RPH3A: variants seen among roughly 807,000 people sequenced by gnomAD.
RPH3A encodes rabphilin 3A.
Under a neutral mutation model 102.2 loss-of-function variants are expected in RPH3A, and 48 were observed. That is an observed-to-expected ratio of 0.47 (90% confidence interval 0.37 to 0.60). RPH3A has a LOEUF of 0.60. Among genes scored for constraint, RPH3A ranks in the 20% least tolerant of loss-of-function variants. RPH3A has a pLI of 0.00. For synonymous variants in RPH3A, 310 were observed against 324.3 expected (o/e 0.96, Z 0.47); for missense variants, 781 against 910.1 (o/e 0.86, Z 1.83).
At chr12:112,608,145 G>C (rs1267081062) in intron 1 of RPH3A, among the ~76,000 whole-genome samples, 1 of 145,468 alleles carries the variant, frequency 6.9e-6, no homozygotes. Flanking sequence ...ACGGGGAGTT[G>C]CGCTCTGTTT....
chr12:112,815,379 TC>T (rs2041654012), intron 2 of RPH3A, among the ~76,000 whole-genome samples: 1 of 152,226 alleles, frequency 6.6e-6, no homozygotes, highest in South Asian at 2.1e-4. Context: ...GTCAGGAGCC[TC>T]ATTTATATGA....
intron 1 of RPH3A, among the ~76,000 whole-genome samples, chr12:112,723,117 T>C (rs1168430068): frequency 6.6e-6 from 1 of 152,158 alleles, no homozygotes; most frequent in Non-Finnish European, 1.5e-5. Flanking sequence ...TGTTGGTATG[T>C]ATATACAGTT....
intron 1 of RPH3A, among the ~76,000 whole-genome samples, chr12:112,729,028 A>G (rs2040614972): frequency 6.6e-6 from 1 of 152,168 alleles, no homozygotes; most frequent in African/African-American, 2.4e-5. Context: ...TGGGAACACA[A>G]AAGTGTCACT....
chr12:112,767,329 T>C (rs925802803), intron 1 of RPH3A, among the ~76,000 whole-genome samples: 5 of 152,148 alleles, frequency 3.3e-5, no homozygotes, highest in African/African-American at 7.2e-5. Context: ...CTTATTGTCC[T>C]CCTCCTCAAT....
chr12:112,805,119 T>C (rs1363549402), intron 2 of RPH3A, among the ~76,000 whole-genome samples: 1 of 152,222 alleles, frequency 6.6e-6, no homozygotes. Flanking sequence ...AAATAAAACA[T>C]TGCAATGTAT....
chr12:112,736,303 G>C (rs2040669017), intron 1 of RPH3A, among the ~76,000 whole-genome samples: 1 of 152,178 alleles, frequency 6.6e-6, no homozygotes, highest in Non-Finnish European at 1.5e-5. Flanking sequence ...ACCTCTGTTT[G>C]AGAACCATTG....
chr12:112,779,987 G>A (rs1413624452), intron 1 of RPH3A, among the ~76,000 whole-genome samples: 4 of 152,120 alleles, frequency 2.6e-5, no homozygotes, highest in South Asian at 2.1e-4. Context: ...AAGGACTGTC[G>A]GCCACTGCCA....
intron 13 of RPH3A, 134 bp downstream of exon 13, chr12:112,877,000 C>A: frequency 1.9e-6 from 1 of 531,662 alleles, no homozygotes; most frequent in Non-Finnish European, 3.1e-6. Context: ...AACATATTAA[C>A]CAAGTGATAG....
chr12:112,690,300 A>G (rs1414308777), intron 1 of RPH3A, among the ~76,000 whole-genome samples: 1 of 152,234 alleles, frequency 6.6e-6, no homozygotes, highest in African/African-American at 2.4e-5. Flanking sequence ...GGGAAGCTTT[A>G]GGTGGTATCT....
At chr12:112,817,546 A>ATG (rs1766307466) in intron 2 of RPH3A, among the ~76,000 whole-genome samples, 3 of 147,322 alleles carry the variant, frequency 2.0e-5, no homozygotes. Context: ...AGAAATGCAC[A>ATG]CGTGTGTGTG....
At chr12:112,801,416 G>A (rs1224358867) in intron 2 of RPH3A, among the ~76,000 whole-genome samples, 1 of 152,208 alleles carries the variant, frequency 6.6e-6, no homozygotes, top group Admixed American at 6.5e-5. Context: ...TTCCTTGGAA[G>A]GGTTTATCTG....
intron 1 of RPH3A, among the ~76,000 whole-genome samples, chr12:112,742,290 C>T (rs966640114): frequency 6.6e-5 from 10 of 152,132 alleles, no homozygotes; most frequent in African/African-American, 1.9e-4. Flanking sequence ...GGCATTCTTG[C>T]TGTGGGTAGA....
intron 1 of RPH3A, among the ~76,000 whole-genome samples, chr12:112,657,293 T>C (rs2040020047): frequency 6.6e-6 from 1 of 152,168 alleles, no homozygotes; most frequent in African/African-American, 2.4e-5. Flanking sequence ...GGCGTTATTT[T>C]TTTTTTCTTG....
intron 1 of RPH3A, among the ~76,000 whole-genome samples, chr12:112,742,964 A>G (rs1396667863): frequency 2.0e-5 from 3 of 152,066 alleles, no homozygotes; most frequent in Non-Finnish European, 4.4e-5. Flanking sequence ...GGCTGCACAT[A>G]TTCCTCAGCT....
chr12:112,765,153 C>G (rs754879511), intron 1 of RPH3A, among the ~76,000 whole-genome samples: 7 of 151,834 alleles, frequency 4.6e-5, no homozygotes, highest in Non-Finnish European at 4.4e-5. Context: ...CTGCATGGTC[C>G]CAGCTGGTCG....
chr12:112,693,023 G>A (rs1283519144), intron 1 of RPH3A, among the ~76,000 whole-genome samples: 1 of 152,226 alleles, frequency 6.6e-6, no homozygotes, highest in African/African-American at 2.4e-5. Flanking sequence ...GAAGGACTGG[G>A]TGCCATTCAG....
At chr12:112,639,282 C>G (rs1056537296) in intron 1 of RPH3A, among the ~76,000 whole-genome samples, 2 of 152,106 alleles carry the variant, frequency 1.3e-5, no homozygotes, top group Non-Finnish European at 2.9e-5. Context: ...TTTTATGATT[C>G]TATAAAAAGC....
At position 112,791,867 on chromosome 12, in the gene RPH3A, GGAGAGAGAGAGAGAGA is replaced by G. The variant is rs5742214; in HGVS notation, c.-262_-247del. ...CGCGGACTGGAAAGGAAGGGAGAAGGGAGAGAGAGAGAGAGAGAGAGAGAGAGAGAGAGAGAGACTC... is the reference window on the plus strand; with the variant it reads ...CGCGGACTGGAAAGGAAGGGAGAAGGGAGAGAGAGAGAGAGAGAGAGACTC... On this transcript the variant is annotated 5_prime_UTR_variant, in exon 1 of 22. Transcript: ENST00000389385. 1 of 48,482 alleles carries G rather than the reference GGAGAGAGAGAGAGAGA, an allele frequency of 2.1e-5. No individual in the cohort carries two copies. The highest frequency in any genetic ancestry group is 3.7e-5 in the Non-Finnish European group (1 of 27,246). 3.0% of individuals were successfully genotyped at this position (48,482 alleles called of 1,614,324 possible).
chr12:112,822,238 A>G (rs1158830406), intron 2 of RPH3A, among the ~76,000 whole-genome samples: 1 of 152,204 alleles, frequency 6.6e-6, no homozygotes, highest in East Asian at 1.9e-4. Context: ...TCTGCTGCAA[A>G]GCGTCTGGTT....
Sources: allele counts gnomAD v4.1 joint callset (sites outside exome capture counted in the v4.1 genomes callset), GRCh38; gene constraint gnomAD v4.1.1; transcripts MANE v1.5; gene names NCBI Gene and HGNC (gene_info 2026-07-23, HGNC 2026-07-21).